The following EDA variants were observed in gnomAD, a reference collection of about 807,000 sequenced individuals.
The protein encoded by EDA is ectodysplasin A.
A neutral mutation model predicts 23.6 loss-of-function variants in EDA; 2 were observed. The ratio of observed to expected loss-of-function variants is 0.08; its 90% CI spans 0.03 to 0.27. The LOEUF (loss-of-function observed/expected upper bound fraction) is 0.27, where lower values mean the gene tolerates loss of function less well. Ranked by LOEUF, EDA falls within the 10% of genes least tolerant of loss-of-function variation. The probability of loss-of-function intolerance (pLI) is 1.00; values close to 1 mark genes in which losing one functional copy is unlikely to be tolerated. For synonymous variants in EDA, 131 were observed against 132.0 expected, an observed-to-expected ratio of 0.99 and a Z score of 0.05; for missense variants, 229 against 324.2, an observed-to-expected ratio of 0.71 and a Z score of 2.26.
intron 1 of EDA, among the ~76,000 whole-genome samples, chrX:69,794,281 G>A (rs993969566): frequency 1.3e-4 from 15 of 111,479 alleles, no homozygotes; most frequent in African/African-American, 4.6e-4. Context: ...GACATTGTAG[G>A]CCATAGTAGT....
chrX:69,651,354 G>T (rs1933097028), intron 1 of EDA, among the ~76,000 whole-genome samples: 1 of 111,320 alleles, frequency 9.0e-6, no homozygotes. Flanking sequence ...GGTAAAGAAG[G>T]TGATGGCATT....
intron 1 of EDA, among the ~76,000 whole-genome samples, chrX:69,913,156 C>G (rs998609141): frequency 1.8e-5 from 2 of 112,117 alleles, no homozygotes; most frequent in African/African-American, 6.5e-5. Flanking sequence ...TGCTTTAACC[C>G]CTAATAACAA....
chrX:69,808,133 G>A (rs2015858335), intron 1 of EDA, among the ~76,000 whole-genome samples: 1 of 111,682 alleles, frequency 9.0e-6, no homozygotes, highest in Non-Finnish European at 1.9e-5. Flanking sequence ...GTACTGAATA[G>A]TGTTGTGTTT....
intron 2 of EDA, among the ~76,000 whole-genome samples, chrX:69,985,661 T>C (rs1369894835): frequency 6.2e-5 from 1 of 16,145 alleles, no homozygotes; most frequent in Admixed American, 1.1e-3. Flanking sequence ...TGCTCATGGG[T>C]AGGAAGAATC....
intron 2 of EDA, among the ~76,000 whole-genome samples, chrX:69,984,158 A>G (rs1363957890): frequency 2.1e-5 from 1 of 47,509 alleles, no homozygotes; most frequent in Admixed American, 3.1e-4. Context: ...AATGCCTACA[A>G]GAGAAAGCAG....
At chrX:69,672,986 A>G (rs951922349) in intron 1 of EDA, among the ~76,000 whole-genome samples, 1 of 111,791 alleles carries the variant, frequency 8.9e-6, no homozygotes, top group Non-Finnish European at 1.9e-5. Flanking sequence ...ATGTATTGAA[A>G]CACATCTGCC....
chrX:69,961,766 A>G (rs1228332920), intron 2 of EDA, among the ~76,000 whole-genome samples: 1 of 112,269 alleles, frequency 8.9e-6, no homozygotes, highest in African/African-American at 3.2e-5. Context: ...CAGATCGTTT[A>G]AGTTTATTCG....
At chrX:69,890,462 T>C (rs879055186) in intron 1 of EDA, among the ~76,000 whole-genome samples, 1 of 109,893 alleles carries the variant, frequency 9.1e-6, no homozygotes, top group African/African-American at 3.3e-5. Flanking sequence ...AGAGACATCA[T>C]GCTACCCAAC....
chrX:69,809,847 A>T (rs1176759262), intron 1 of EDA, among the ~76,000 whole-genome samples: 1 of 111,329 alleles, frequency 9.0e-6, no homozygotes, highest in Non-Finnish European at 1.9e-5. Context: ...GAGGCACAAA[A>T]GCTAATTAAA....
At chrX:69,863,629 A>ATG (rs72197881) in intron 1 of EDA, among the ~76,000 whole-genome samples, 30 of 88,872 alleles carry the variant, frequency 3.4e-4, no homozygotes, top group Admixed American at 5.3e-4. Flanking sequence ...GTGTGTATTT[A>ATG]TGTGTGTGTG....
chrX:69,754,265 G>A (rs752568764), intron 1 of EDA, among the ~76,000 whole-genome samples: 1 of 111,615 alleles, frequency 9.0e-6, no homozygotes, highest in East Asian at 2.8e-4. Context: ...GGCAGGCCTG[G>A]TGGTGACAAA....
chrX:69,983,576 A>G (rs1355320559), intron 2 of EDA, among the ~76,000 whole-genome samples: 1 of 32,736 alleles, frequency 3.1e-5, no homozygotes, highest in Non-Finnish European at 5.6e-5. Flanking sequence ...AAGAATGTTG[A>G]ATATTGGCCC....
Position 69,860,801 on chromosome X carries a change from G to T in EDA, c.397-96226G>T, listed in dbSNP as rs746651601. 290 of 514,547 alleles carry T rather than the reference G, an allele frequency of 5.6e-4. 1 individual carries two copies. In the African/African-American group the frequency reaches 6.1e-3, roughly 11 times the overall value. 42.4% of individuals were successfully genotyped at this position (514,547 alleles called of 1,213,427 possible). ...TAGTTAGGTTGGGGAAATTCTCATGGATGATATCCTGAAATATGTTTTCCA... is the reference window on the plus strand; with the variant it reads ...TAGTTAGGTTGGGGAAATTCTCATGTATGATATCCTGAAATATGTTTTCCA... On this transcript the variant is annotated intron_variant, in intron 1 of 7. Transcript: ENST00000374552.
At chrX:69,876,453 A>G (rs2017647815) in intron 1 of EDA, among the ~76,000 whole-genome samples, 1 of 111,549 alleles carries the variant, frequency 9.0e-6, no homozygotes, top group Non-Finnish European at 1.9e-5. Context: ...TAATAAAAAA[A>G]GAATAAAAAT....
intron 1 of EDA, among the ~76,000 whole-genome samples, chrX:69,784,529 C>A: frequency 1.1e-5 from 1 of 94,428 alleles, no homozygotes; most frequent in Admixed American, 1.2e-4. Context: ...GTTTTCCCAG[C>A]ACCATTTATT....
At chrX:69,829,412 G>A (rs1211062348) in intron 1 of EDA, among the ~76,000 whole-genome samples, 4 of 112,156 alleles carry the variant, frequency 3.6e-5, no homozygotes, top group Admixed American at 9.5e-5. Flanking sequence ...TCAAAAAGTG[G>A]TCCTTTTTCT....
intron 1 of EDA, among the ~76,000 whole-genome samples, chrX:69,802,436 G>A (rs961169563): frequency 9.1e-6 from 1 of 110,196 alleles, no homozygotes; most frequent in African/African-American, 3.3e-5. Flanking sequence ...GGGCAAGAAA[G>A]GGCAAGGTGA....
At chrX:69,771,854 A>G (rs1039131536) in intron 1 of EDA, among the ~76,000 whole-genome samples, 1 of 112,655 alleles carries the variant, frequency 8.9e-6, no homozygotes, top group African/African-American at 3.2e-5. Flanking sequence ...TGTTAGCTGT[A>G]GGAACTTTGT....
chrX:69,879,618 A>G (rs1329135776), intron 1 of EDA, among the ~76,000 whole-genome samples: 1 of 111,869 alleles, frequency 8.9e-6, no homozygotes, highest in African/African-American at 3.3e-5. Context: ...AGAGTATGGA[A>G]AAAGGAACCA....
Sources: allele counts gnomAD v4.1 joint callset (sites outside exome capture counted in the v4.1 genomes callset), GRCh38; gene constraint gnomAD v4.1.1; transcripts MANE v1.5; gene names NCBI Gene and HGNC (gene_info 2026-07-23, HGNC 2026-07-21).